Variants in TRPM3 observed in about 807,000 individuals in gnomAD.
TRPM3 encodes the protein long transient receptor potential channel 3.
In TRPM3, 77 loss-of-function variants were observed where a neutral mutation model predicts 181.2. That is an observed-to-expected ratio of 0.42 (90% CI 0.35 to 0.51). The LOEUF is 0.51. Ranked by LOEUF, TRPM3 falls within the 20% of genes least tolerant of loss-of-function variation. The pLI is 0.01. For missense variants in TRPM3, 1,759 were observed against 2,196.7 expected (o/e 0.80, Z 3.98); for synonymous variants, 745 against 796.4 (o/e 0.94, Z 1.09).
intron 1 of TRPM3, among the ~76,000 whole-genome samples, chr9:70,983,129 A>T (rs995798099): frequency 6.8e-6 from 1 of 147,200 alleles, no homozygotes; most frequent in Non-Finnish European, 1.5e-5. Flanking sequence ...AATCCACCGA[A>T]CTCTCCACCA....
intron 1 of TRPM3, among the ~76,000 whole-genome samples, chr9:71,209,358 T>C (rs1189704091): frequency 3.2e-5 from 1 of 31,358 alleles, no homozygotes; most frequent in Non-Finnish European, 6.0e-5. Flanking sequence ...AGAGAGGCAA[T>C]GAGGGGGTGG....
intron 1 of TRPM3, among the ~76,000 whole-genome samples, chr9:71,345,469 T>C (rs2091236846): frequency 6.6e-6 from 1 of 151,806 alleles, no homozygotes; most frequent in African/African-American, 2.4e-5. Flanking sequence ...AAACCATCAT[T>C]CTCCGCAAAC....
At chr9:70,958,551 A>T (rs1458450016) in intron 1 of TRPM3, among the ~76,000 whole-genome samples, 1 of 151,984 alleles carries the variant, frequency 6.6e-6, no homozygotes, top group African/African-American at 2.4e-5. Flanking sequence ...GCATTTTTTC[A>T]TGTGTCTTTT....
intron 22 of TRPM3, among the ~76,000 whole-genome samples, chr9:70,568,617 C>T (rs1162592575): frequency 6.6e-6 from 1 of 152,162 alleles, no homozygotes; most frequent in Non-Finnish European, 1.5e-5. Context: ...ATTATTATGG[C>T]CATTTTACAG....
intron 9 of TRPM3, among the ~76,000 whole-genome samples, chr9:70,664,040 C>G (rs2061476576): frequency 6.6e-6 from 1 of 152,292 alleles, no homozygotes; most frequent in South Asian, 2.1e-4. Context: ...GTTATTAAGG[C>G]ACTGTACAAA....
At chr9:71,433,377 G>T (rs553087989) in intron 1 of TRPM3, among the ~76,000 whole-genome samples, 1 of 152,098 alleles carries the variant, frequency 6.6e-6, no homozygotes, top group Non-Finnish European at 1.5e-5. Context: ...TTCCTCCTTC[G>T]TTTGGCATGT....
chr9:71,317,425 C>A (rs114407403), intron 1 of TRPM3, among the ~76,000 whole-genome samples: 1 of 151,992 alleles, frequency 6.6e-6, no homozygotes, highest in East Asian at 1.9e-4. Context: ...AGATTGCTTG[C>A]GCATGGGAGT....
chr9:70,668,526 G>A (rs1019612738), intron 9 of TRPM3, among the ~76,000 whole-genome samples: 3 of 151,912 alleles, frequency 2.0e-5, no homozygotes, highest in South Asian at 4.2e-4. Context: ...TTAGCTGGGC[G>A]TGGTGGCGGG....
At chr9:71,173,608 G>C (rs1339305722) in intron 1 of TRPM3, among the ~76,000 whole-genome samples, 1 of 152,208 alleles carries the variant, frequency 6.6e-6, no homozygotes, top group African/African-American at 2.4e-5. Flanking sequence ...TGAGGGAGGT[G>C]CATGAATTCC....
At chr9:71,205,534 A>T (rs1214618483) in intron 1 of TRPM3, among the ~76,000 whole-genome samples, 1 of 152,180 alleles carries the variant, frequency 6.6e-6, no homozygotes, top group South Asian at 2.1e-4. Flanking sequence ...TTTGTTGGCC[A>T]AACACTTTTT....
chr9:71,146,681 G>A (rs1296279116), intron 1 of TRPM3, among the ~76,000 whole-genome samples: 2 of 152,048 alleles, frequency 1.3e-5, no homozygotes, highest in Admixed American at 1.3e-4. Flanking sequence ...TGACTTATAT[G>A]TGCCCTAGAC....
chr9:71,117,332 C>T (rs1000575617), intron 1 of TRPM3, among the ~76,000 whole-genome samples: 1 of 152,160 alleles, frequency 6.6e-6, no homozygotes, highest in Admixed American at 6.5e-5. Context: ...TGGTCAAATG[C>T]TGTAGCTTAG....
At chr9:71,307,614 AG>A (rs1459461589) in intron 1 of TRPM3, among the ~76,000 whole-genome samples, 2 of 152,150 alleles carry the variant, frequency 1.3e-5, no homozygotes, top group African/African-American at 2.4e-5. Context: ...TATTATAATT[AG>A]ATTTATTCAG....
chr9:70,669,789 G>A (rs915379572), intron 9 of TRPM3, among the ~76,000 whole-genome samples: 1 of 146,384 alleles, frequency 6.8e-6, no homozygotes, highest in Non-Finnish European at 1.5e-5. Flanking sequence ...TGTTGCCCAA[G>A]CTGGAATGCA....
chr9:71,055,796 G>A (rs760038324), intron 1 of TRPM3, among the ~76,000 whole-genome samples: 1 of 152,006 alleles, frequency 6.6e-6, no homozygotes. Context: ...TTGAATGAAT[G>A]ATTTGGGAGT....
chr9:71,240,983 C>T (rs10868993), intron 1 of TRPM3, among the ~76,000 whole-genome samples: 40,463 of 152,078 alleles, frequency 0.27, 5,995 homozygotes, highest in Middle Eastern at 0.46. Context: ...ACAACTCTTA[C>T]GAACATTATG....
chr9:71,169,852 T>G (rs1039534677), intron 1 of TRPM3, among the ~76,000 whole-genome samples: 17 of 150,956 alleles, frequency 1.1e-4, no homozygotes, highest in Non-Finnish European at 1.9e-4. Flanking sequence ...TTTATAAAAA[T>G]TAGCCGGGCA....
At chr9:70,841,067 A>G (rs10121631) in intron 5 of TRPM3, among the ~76,000 whole-genome samples, 86,151 of 152,034 alleles carry the variant, frequency 0.57, 24,775 homozygotes, top group Non-Finnish European at 0.58. Flanking sequence ...ATTTTGGTGC[A>G]GAAATGATTT....
At chr9:71,394,966 T>C (rs892611810) in intron 1 of TRPM3, among the ~76,000 whole-genome samples, 8 of 152,200 alleles carry the variant, frequency 5.3e-5, no homozygotes, top group Admixed American at 3.9e-4. Context: ...AGTGAGTGCT[T>C]TGGACCTATG....
Sources: gnomAD v4.1 joint callset for allele counts (sites outside exome capture counted in the v4.1 genomes callset) on GRCh38, gnomAD v4.1.1 for gene constraint, MANE v1.5 for transcripts, NCBI Gene and HGNC (gene_info 2026-07-23, HGNC 2026-07-21) for gene names.